The following KBTBD11 variants were observed in gnomAD, a reference collection of about 807,000 sequenced individuals.
The protein encoded by KBTBD11 is kelch repeat and BTB domain containing 11.
For synonymous variants in KBTBD11, 747 were observed against 499.0 expected (o/e 1.50, Z -6.63); for missense variants, 1,390 against 1,001.8 (o/e 1.39, Z -5.23).
intron 1 of KBTBD11, among the ~76,000 whole-genome samples, chr8:1,985,932 A>T (rs1267057088): frequency 2.6e-5 from 4 of 152,264 alleles, no homozygotes; most frequent in Non-Finnish European, 5.9e-5. Flanking sequence ...AATTGTAGAC[A>T]CATCGGTTTT....
At chr8:1,974,197 G>A in intron 1 of KBTBD11, 3 of 761,306 alleles carry the variant, frequency 3.9e-6, no homozygotes, top group Non-Finnish European at 4.8e-6. Flanking sequence ...GGCGGCGGTG[G>A]GTGGTCTCCG....
chr8:1,994,295 G>T (rs1817050978), intron 1 of KBTBD11, among the ~76,000 whole-genome samples: 1 of 152,232 alleles, frequency 6.6e-6, no homozygotes, highest in Non-Finnish European at 1.5e-5. Context: ...ATCTCCTGCT[G>T]CGTCAATGCT....
intron 1 of KBTBD11, among the ~76,000 whole-genome samples, chr8:1,980,060 G>A (rs1816488055): frequency 1.3e-5 from 2 of 152,314 alleles, no homozygotes; most frequent in South Asian, 4.1e-4. Context: ...ACCTGAAAGT[G>A]CTGTGGGGTT....
In KBTBD11 at chr8:1,991,533, GAT is replaced by G. The variant is rs1816916536; in HGVS notation, c.-908-8751_-908-8750del. On this transcript the variant is annotated intron_variant, in intron 1 of 1. Transcript: ENST00000320248. Reference sequence around the variant, plus strand: ...TGCTGGAGATAATGAGCTTTCCCTCGATTCCAGCTCTGTGATCCATGAGGGCA... The same window carrying G: ...TGCTGGAGATAATGAGCTTTCCCTCGTCCAGCTCTGTGATCCATGAGGGCA... Among the ~76,000 whole-genome samples the G allele has an allele frequency of 2.2e-3, 334 of 152,086 alleles. 4 individuals are homozygous for G. Among genetic ancestry groups the G allele is most frequent in the African/African-American group, 7.6e-3 (316 of 41,354 alleles).
At chr8:1,983,579 C>T (rs187901860) in intron 1 of KBTBD11, among the ~76,000 whole-genome samples, 2 of 152,316 alleles carry the variant, frequency 1.3e-5, no homozygotes, top group East Asian at 3.9e-4. Flanking sequence ...CTTGGTGGCA[C>T]CTCCATGAGG....
rs1196941339 is a variant in KBTBD11, at chr8:2,002,586, C to T, written c.1394C>T (p.Ser465Phe). ...GGCGAGATCTACGTGTCCGGGGGCT[C>T]CCTCTTCTATCGCCTGCTCAAGTAT... is the stretch of plus-strand genomic sequence containing the variant. ...CHGEIYVSGG[S>F]LFYRLLKYDP... is the part of the protein sequence containing the mutation. The change falls in exon 2 of 2, where the codon TCC becomes TTC. Residue 465 changes from serine (S) to phenylalanine (F), a missense_variant. By Grantham distance (155) the Ser-to-Phe change is radical (BLOSUM62 -2). Coordinates refer to ENST00000320248, the MANE Select transcript of KBTBD11 (RefSeq NM_014867.3). This position sits in a 1 kb window ranked among gnomAD's most constrained non-coding sequence, Gnocchi z 4.1. 3 of 1,583,848 alleles carry T rather than the reference C, an allele frequency of 1.9e-6. No individual in the cohort carries two copies. The highest frequency in any genetic ancestry group is 2.6e-6 in the Non-Finnish European group (3 of 1,173,966).
chr8:1,974,336 C>T (rs1816245006), intron 1 of KBTBD11: 1 of 984,356 alleles, frequency 1.0e-6, no homozygotes. Context: ...GCAGTCACCG[C>T]CCCCGCCGAG....
At chr8:1,980,915 G>A (rs906314966) in intron 1 of KBTBD11, among the ~76,000 whole-genome samples, 1 of 152,228 alleles carries the variant, frequency 6.6e-6, no homozygotes. Flanking sequence ...GCAGTTTCAT[G>A]GGATTTGTGG....
rs1817357875 is a variant in KBTBD11, at chr8:2,001,550, C to T, written c.358C>T (p.Pro120Ser). 7.0e-7 allele frequency: 1 copy of T among 1,437,330 alleles called. No homozygotes were observed. Among genetic ancestry groups the T allele is most frequent in the East Asian group, 3.1e-5 (1 of 32,692 alleles). The allele number at this position is 1,437,330 out of a possible 1,614,324, so 89.0% of individuals were successfully genotyped here. Residue 120 changes from proline (P) to serine (S), a missense_variant, in exon 2 of 2, where the codon CCC becomes TCC. Physicochemically the swap from Pro to Ser is moderately conservative, Grantham distance 74. Coordinates refer to ENST00000320248, the MANE Select transcript of KBTBD11 (RefSeq NM_014867.3). ...CGTTTGGCTTGAGGACCCCGCGTCC[C>T]CCGAGGAGCCCGGGGAGCCCGCGCC... ...PRVWLEDPAS[P>S]EEPGEPAPVP...
At chr8:1,987,631 C>T (rs1016287186) in intron 1 of KBTBD11, among the ~76,000 whole-genome samples, 2 of 152,260 alleles carry the variant, frequency 1.3e-5, no homozygotes, top group Non-Finnish European at 1.5e-5. Flanking sequence ...CTCTCCTGCT[C>T]CTCTCTCATG....
intron 1 of KBTBD11, among the ~76,000 whole-genome samples, chr8:1,986,610 C>G (rs562215036): frequency 2.0e-5 from 3 of 152,292 alleles, no homozygotes; most frequent in African/African-American, 7.2e-5. Context: ...AGTTACTCAG[C>G]AGCAGAGGCA....
intron 1 of KBTBD11, among the ~76,000 whole-genome samples, chr8:1,982,648 A>G (rs7832174): frequency 0.034 from 5,239 of 152,268 alleles, 318 homozygotes; most frequent in African/African-American, 0.12. Flanking sequence ...AAAACTGTCA[A>G]GCAGCACTCA....
At chr8:1,978,638 C>T (rs1294328613) in intron 1 of KBTBD11, among the ~76,000 whole-genome samples, 1 of 152,230 alleles carries the variant, frequency 6.6e-6, no homozygotes, top group Non-Finnish European at 1.5e-5. Context: ...TTGCTTCCCC[C>T]TCAGTCCCTG....
intron 1 of KBTBD11, among the ~76,000 whole-genome samples, chr8:1,980,446 CA>C (rs1422367621): frequency 6.6e-6 from 1 of 152,150 alleles, no homozygotes; most frequent in African/African-American, 2.4e-5. Context: ...AGGATGGTCC[CA>C]ATCTCTTGAC....
At position 2,005,342 on chromosome 8, in the gene KBTBD11, T is replaced by G. The variant is rs1817539498; in HGVS notation, c.*2278T>G. 1 of 167,128 alleles carries G rather than the reference T, an allele frequency of 6.0e-6. No homozygotes were observed. The highest frequency in any genetic ancestry group is 2.1e-4 in the South Asian group (1 of 4,838). The allele number at this position is 167,128 out of a possible 1,614,324, so 10.4% of individuals were successfully genotyped here. A position where few individuals can be genotyped will look rare whatever the true frequency, so the allele number is the denominator to read the frequency against. The stretch of plus-strand genomic sequence containing the variant: ...CCTATTGTGGAAATTTATAGAATAG[T>G]ATACACCACAGTTCTGAATAGTGAT... On this transcript the variant is annotated 3_prime_UTR_variant, in exon 2 of 2. Coordinates refer to ENST00000320248, the MANE Select transcript of KBTBD11 (RefSeq NM_014867.3).
chr8:2,002,976 G>T lies in KBTBD11; in HGVS notation c.1784G>T (p.Gly595Val), dbSNP rs919431678. 2.1e-5 allele frequency: 27 copies of T among 1,312,710 alleles called. No individual in the cohort carries two copies. The African/African-American group carries it at 3.7e-4, about 18-fold the overall frequency. The allele number at this position is 1,312,710 out of a possible 1,614,324, so 81.3% of individuals were successfully genotyped here. Residue 595 changes from glycine (G) to valine (V), a missense_variant, in exon 2 of 2, where the codon GGC becomes GTC. Gly to Val is a moderately radical substitution (Grantham distance 109). Coordinates refer to ENST00000320248, the MANE Select transcript of KBTBD11 (RefSeq NM_014867.3). The surrounding 1 kb of genome is among the most constrained non-coding windows in gnomAD (Gnocchi z 4.1). ...CAGGGCGGCGGCTTCGAGGCGCTGG[G>T]CGCCCCCTTGGACGTCCGGGGTGTG... ...AGQGGGFEAL[G>V]APLDVRGVLI...
At chr8:1,998,805 C>T (rs1817237567) in intron 1 of KBTBD11, among the ~76,000 whole-genome samples, 1 of 152,130 alleles carries the variant, frequency 6.6e-6, no homozygotes, top group Admixed American at 6.5e-5. Context: ...ACTCAGCTGG[C>T]TGGAAAGACT....
rs1369566443 is a variant in KBTBD11 at position 2,002,534 on chromosome 8, G to T, written c.1342G>T (p.Val448Leu). ...VAPLPRGAFAVAHEATTCHGE... is the reference protein window; with the variant it reads ...VAPLPRGAFALAHEATTCHGE... Reference sequence around the variant, plus strand: ...GCCGCTGCCCCGGGGCGCCTTCGCCGTGGCGCATGAGGCCACCACCTGCCA... The same window carrying T: ...GCCGCTGCCCCGGGGCGCCTTCGCCTTGGCGCATGAGGCCACCACCTGCCA... The change falls in exon 2 of 2, where the codon GTG (valine) becomes TTG (leucine). Residue 448 changes from valine to leucine, a missense_variant. Transcript: ENST00000320248. The surrounding 1 kb of genome is among the most constrained non-coding windows in gnomAD (Gnocchi z 4.1). 1.3e-6 allele frequency: 2 copies of T among 1,551,576 alleles called. No homozygotes were observed. Among genetic ancestry groups the T allele is most frequent in the Non-Finnish European group, 1.7e-6 (2 of 1,159,968 alleles).
At chr8:1,993,331 A>G (rs1816986899) in intron 1 of KBTBD11, among the ~76,000 whole-genome samples, 1 of 151,884 alleles carries the variant, frequency 6.6e-6, no homozygotes, top group Non-Finnish European at 1.5e-5. Flanking sequence ...CTATCCATCC[A>G]GTCGCCCATC....
Sources: gnomAD v4.1 joint callset for allele counts (sites outside exome capture counted in the v4.1 genomes callset) on GRCh38, gnomAD v4.1.1 for gene constraint, Gnocchi (gnomAD v3.1) non-coding constraint, MANE v1.5 for transcripts, NCBI Gene and HGNC (gene_info 2026-07-23, HGNC 2026-07-21) for gene names.